The following TFCP2 variants were observed in gnomAD, a reference collection of about 807,000 sequenced individuals.
TFCP2 encodes alpha-globin transcription factor CP2.
A neutral mutation model predicts 73.4 loss-of-function variants in TFCP2; 33 were observed. The observed-to-expected ratio is 0.45, with a 90% CI of 0.34 to 0.60. TFCP2 has a LOEUF of 0.60. TFCP2 is among the 20% of genes least tolerant of loss of function. TFCP2 has a pLI of 0.01. For missense variants in TFCP2, 352 were observed against 604.0 expected, an observed-to-expected ratio of 0.58 and a Z score of 4.37; for synonymous variants, 193 against 211.6, an observed-to-expected ratio of 0.91 and a Z score of 0.76.
chr12:51,096,050 G>A lies in TFCP2; in HGVS notation c.1420-10C>T. The A allele has an allele frequency of 6.2e-7, 1 of 1,611,452 alleles. No individual in the cohort carries two copies. The highest frequency in any genetic ancestry group is 1.1e-5 in the South Asian group (1 of 90,986). On this transcript the variant is annotated splice_polypyrimidine_tract_variant and intron_variant, in intron 13 of 14. Coordinates refer to ENST00000257915, the MANE Select transcript of TFCP2 (RefSeq NM_005653.5). The stretch of plus-strand genomic sequence containing the variant: ...GAAAGTTCTGTATCATCTGAAAAAT[G>A]CAAGAAAATTTGTGATTATTTAAAT...
intron 12 of TFCP2, 77 bp from the exon 13 acceptor site, chr12:51,098,995 C>T (rs1040784396): frequency 6.7e-7 from 1 of 1,490,322 alleles, no homozygotes; most frequent in Non-Finnish European, 9.1e-7. Flanking sequence ...CTAGGAATGC[C>T]CACTTTTCTG....
intron 1 of TFCP2, among the ~76,000 whole-genome samples, chr12:51,159,706 T>G (rs1475953098): frequency 6.6e-6 from 1 of 151,990 alleles, no homozygotes; most frequent in Non-Finnish European, 1.5e-5. Flanking sequence ...CAGGCTGGCC[T>G]CAAACTCCCA....
chr12:51,124,715 G>A (rs754956033), intron 1 of TFCP2: 13 of 683,356 alleles, frequency 1.9e-5, no homozygotes, highest in Admixed American at 1.1e-4. Flanking sequence ...CAATCAGCTC[G>A]GTTGCCTTGG....
At chr12:51,118,479 C>T (rs1373429547) in intron 2 of TFCP2, 142 bp downstream of exon 2, 12 of 959,402 alleles carry the variant, frequency 1.3e-5, no homozygotes, top group South Asian at 7.2e-5. Flanking sequence ...GGTGTGAACC[C>T]GGGAGGCAGA....
intron 1 of TFCP2, among the ~76,000 whole-genome samples, chr12:51,133,365 C>A (rs1387994054): frequency 6.6e-6 from 1 of 151,728 alleles, no homozygotes; most frequent in African/African-American, 2.4e-5. Flanking sequence ...GGTACAGTGG[C>A]GTAATCACCA....
intron 4 of TFCP2, among the ~76,000 whole-genome samples, chr12:51,115,768 T>C (rs1940519493): frequency 6.6e-6 from 1 of 152,148 alleles, no homozygotes; most frequent in African/African-American, 2.4e-5. Flanking sequence ...CTTGAAAACA[T>C]TATGCTAAGT....
chr12:51,118,071 A>G (rs1298543151), intron 2 of TFCP2, among the ~76,000 whole-genome samples: 1 of 152,252 alleles, frequency 6.6e-6, no homozygotes, highest in Admixed American at 6.5e-5. Context: ...CTCAGACAGT[A>G]ACCAATGGGA....
chr12:51,140,424 TTCTA>T (rs1283642788), intron 1 of TFCP2, among the ~76,000 whole-genome samples: 5 of 150,420 alleles, frequency 3.3e-5, no homozygotes, highest in East Asian at 2.0e-4. Context: ...CTTCCTTCTT[TTCTA>T]TCTTTCTTTT....
At position 51,166,550 on chromosome 12, in the gene TFCP2, A is replaced by G. The variant is rs111749059; in HGVS notation, c.122+5751T>C. On this transcript the variant is annotated intron_variant, in intron 1 of 14. Transcript: ENST00000257915. ...TCAACTGGACCTGCATGAGTGCCCA[A>G]AAAGTGACCTTTTCATGTCAGAGGG... is the stretch of plus-strand genomic sequence containing the variant. 5.8e-3 allele frequency among the ~76,000 whole-genome samples: 890 copies of G among 152,266 alleles called. 7 individuals carry two copies. The highest frequency in any genetic ancestry group is 0.02 in the African/African-American group (824 of 41,552).
chr12:51,118,816 CA>C, intron 1 of TFCP2, 44 bp from the exon 2 acceptor site: 1 of 1,602,168 alleles, frequency 6.2e-7, no homozygotes, highest in African/African-American at 1.3e-5. Flanking sequence ...GGCAATGGTG[CA>C]AACGCAGGTT....
intron 1 of TFCP2, among the ~76,000 whole-genome samples, chr12:51,124,411 T>TTTC (rs773163583): frequency 7.2e-5 from 11 of 152,146 alleles, no homozygotes; most frequent in African/African-American, 2.7e-4. Context: ...ATTTTTTTCT[T>TTTC]TTCTTCTTCT....
intron 1 of TFCP2, chr12:51,125,041 C>A: frequency 1.3e-6 from 1 of 743,790 alleles, no homozygotes. Flanking sequence ...TTGAGGATCT[C>A]GGTCGTGATG....
intron 1 of TFCP2, among the ~76,000 whole-genome samples, chr12:51,126,739 ATT>A (rs1048743128): frequency 6.6e-6 from 1 of 152,214 alleles, no homozygotes; most frequent in African/African-American, 2.4e-5. Flanking sequence ...AGAATAAGGC[ATT>A]TGAAACAAAA....
At chr12:51,096,175 G>C (rs1939962185) in intron 13 of TFCP2, 135 bp from the exon 14 acceptor site, 1 of 639,736 alleles carries the variant, frequency 1.6e-6, no homozygotes, top group African/African-American at 1.8e-5. Context: ...TGTATTTCTT[G>C]AATATCTAGG....
intron 2 of TFCP2, among the ~76,000 whole-genome samples, chr12:51,118,108 G>A (rs1940575395): frequency 1.3e-5 from 2 of 152,166 alleles, no homozygotes; most frequent in East Asian, 1.9e-4. Flanking sequence ...ATTAGGAAGA[G>A]GAAGCTGGAC....
chr12:51,153,081 A>G (rs1460356744), intron 1 of TFCP2, among the ~76,000 whole-genome samples: 1 of 152,250 alleles, frequency 6.6e-6, no homozygotes, highest in African/African-American at 2.4e-5. Flanking sequence ...AGTAAAATAT[A>G]CATAATACAG....
intron 1 of TFCP2, among the ~76,000 whole-genome samples, chr12:51,134,093 T>C (rs1320921219): frequency 6.6e-6 from 1 of 152,152 alleles, no homozygotes; most frequent in Non-Finnish European, 1.5e-5. Flanking sequence ...ATTAAAGGAA[T>C]GATGGGATGA....
intron 1 of TFCP2, among the ~76,000 whole-genome samples, chr12:51,146,105 C>A (rs985108779): frequency 6.6e-6 from 1 of 150,976 alleles, no homozygotes. Context: ...ATGGCTCACA[C>A]CTGTAATCTT....
At chr12:51,099,598 A>G (rs1327551646) in intron 12 of TFCP2, 57 bp downstream of exon 12, 4 of 1,594,490 alleles carry the variant, frequency 2.5e-6, no homozygotes, top group African/African-American at 2.7e-5. Flanking sequence ...ACACATGCCC[A>G]TAAGTTATCT....
Sources: gnomAD v4.1 joint callset for allele counts (sites outside exome capture counted in the v4.1 genomes callset) on GRCh38, gnomAD v4.1.1 for gene constraint, MANE v1.5 for transcripts, NCBI Gene and HGNC (gene_info 2026-07-23, HGNC 2026-07-21) for gene names.